ATP8A2: variants seen among roughly 807,000 people sequenced by gnomAD.
ATP8A2 encodes the protein ATPase phospholipid transporting 8A2, also known as phospholipid-transporting ATPase IB.
In ATP8A2, 100 loss-of-function variants were observed where a neutral mutation model predicts 165.6. That is an observed-to-expected ratio of 0.60 (90% CI 0.51 to 0.71). The LOEUF is 0.71. ATP8A2 is among the 30% of genes least tolerant of loss of function. The probability of loss-of-function intolerance (pLI) is 0.00; values close to 1 mark genes in which losing one functional copy is unlikely to be tolerated. For synonymous variants in ATP8A2, 543 were observed against 548.8 expected (o/e 0.99, Z 0.15); for missense variants, 1,227 against 1,479.5 (o/e 0.83, Z 2.80).
intron 2 of ATP8A2, among the ~76,000 whole-genome samples, chr13:25,517,480 G>C (rs550038488): frequency 6.6e-6 from 1 of 152,274 alleles, no homozygotes; most frequent in East Asian, 1.9e-4. Flanking sequence ...ATAATGCATT[G>C]AGTAATAGAA....
intron 27 of ATP8A2, among the ~76,000 whole-genome samples, chr13:25,818,575 A>G (rs1293151376): frequency 6.6e-6 from 1 of 152,194 alleles, no homozygotes; most frequent in African/African-American, 2.4e-5. Flanking sequence ...GATTGTTAAG[A>G]TATTTAAATT....
intron 33 of ATP8A2, among the ~76,000 whole-genome samples, chr13:25,944,160 G>C (rs1343801132): frequency 6.6e-6 from 1 of 152,210 alleles, no homozygotes; most frequent in African/African-American, 2.4e-5. Flanking sequence ...TCATGATATA[G>C]AAAATATTAG....
chr13:25,965,770 C>A (rs919574834), intron 34 of ATP8A2, among the ~76,000 whole-genome samples: 1 of 152,116 alleles, frequency 6.6e-6, no homozygotes, highest in Admixed American at 6.5e-5. Flanking sequence ...CTGTATTTTA[C>A]TGTACATCAA....
At chr13:25,651,291 A>G (rs2041805788) in intron 24 of ATP8A2, among the ~76,000 whole-genome samples, 2 of 152,100 alleles carry the variant, frequency 1.3e-5, no homozygotes, top group African/African-American at 4.8e-5. Flanking sequence ...AAAAATACAA[A>G]AATTAGCTGG....
At chr13:25,838,057 T>C (rs1247435835) in intron 29 of ATP8A2, among the ~76,000 whole-genome samples, 2 of 152,174 alleles carry the variant, frequency 1.3e-5, no homozygotes, top group African/African-American at 4.8e-5. Context: ...TGCACGGCCT[T>C]GTTTCTGCCT....
intron 24 of ATP8A2, among the ~76,000 whole-genome samples, chr13:25,667,318 G>T (rs905577087): frequency 6.6e-6 from 1 of 152,124 alleles, no homozygotes; most frequent in Admixed American, 6.6e-5. Context: ...GTATTGGGAA[G>T]TGGAGCCTAC....
At chr13:25,407,448 T>C (rs1402175655) in intron 1 of ATP8A2, among the ~76,000 whole-genome samples, 1 of 152,178 alleles carries the variant, frequency 6.6e-6, no homozygotes, top group Non-Finnish European at 1.5e-5. Context: ...AAGTGCAATT[T>C]GCATCAGGTA....
intron 1 of ATP8A2, among the ~76,000 whole-genome samples, chr13:25,399,754 T>TCCTCCTC (rs1566105181): frequency 6.7e-6 from 1 of 148,526 alleles, no homozygotes; most frequent in African/African-American, 2.5e-5. Flanking sequence ...TCTTCCTCCT[T>TCCTCCTC]CTCCTCTTCC....
intron 1 of ATP8A2, among the ~76,000 whole-genome samples, chr13:25,442,872 G>A (rs2034969939): frequency 6.6e-6 from 1 of 152,116 alleles, no homozygotes. Context: ...CAAGTACTGT[G>A]ACAGAGCAAG....
At chr13:25,897,322 G>T (rs568726192) in intron 33 of ATP8A2, among the ~76,000 whole-genome samples, 36 of 152,216 alleles carry the variant, frequency 2.4e-4, no homozygotes, top group African/African-American at 8.4e-4. Flanking sequence ...GAAATTCTGG[G>T]TTGAAAATTC....
chr13:25,951,219 C>CA (rs1955348861), intron 33 of ATP8A2, among the ~76,000 whole-genome samples: 1 of 152,164 alleles, frequency 6.6e-6, no homozygotes, highest in African/African-American at 2.4e-5. Context: ...ATAATAGGCC[C>CA]AAACTGGAAA....
chr13:25,533,131 G>A, intron 5 of ATP8A2, 142 bp from the exon 6 acceptor site: 1 of 634,172 alleles, frequency 1.6e-6, no homozygotes, highest in Non-Finnish European at 2.8e-6. Flanking sequence ...GAGGGTGGGG[G>A]TGCTGATGTT....
At chr13:25,908,015 A>G (rs1242566007) in intron 33 of ATP8A2, among the ~76,000 whole-genome samples, 1 of 152,094 alleles carries the variant, frequency 6.6e-6, no homozygotes, top group Non-Finnish European at 1.5e-5. Context: ...TATTTTAGAT[A>G]TTTTTTTCAG....
At chr13:25,823,704 A>G (rs932864368) in intron 27 of ATP8A2, among the ~76,000 whole-genome samples, 2 of 152,142 alleles carry the variant, frequency 1.3e-5, no homozygotes, top group African/African-American at 4.8e-5. Context: ...ATTAATTTCT[A>G]TAGCAGGACA....
chr13:25,926,001 C>T (rs537584455), intron 33 of ATP8A2, among the ~76,000 whole-genome samples: 64 of 152,290 alleles, frequency 4.2e-4, no homozygotes, highest in African/African-American at 1.4e-3. Flanking sequence ...GCCAGGATTA[C>T]AGGCATGAGC....
intron 34 of ATP8A2, among the ~76,000 whole-genome samples, chr13:25,962,057 TACAG>T (rs1372747177): frequency 6.6e-6 from 1 of 151,764 alleles, no homozygotes; most frequent in Non-Finnish European, 1.5e-5. Context: ...AAAGAAAAAA[TACAG>T]ACACAAAGGA....
chr13:25,397,494 C>T (rs1239151151), intron 1 of ATP8A2, among the ~76,000 whole-genome samples: 1 of 152,132 alleles, frequency 6.6e-6, no homozygotes, highest in Non-Finnish European at 1.5e-5. Flanking sequence ...CCCACCTTGA[C>T]TCAGTGCACA....
At chr13:25,833,442 AT>A (rs1431131542) in intron 28 of ATP8A2, among the ~76,000 whole-genome samples, 4 of 152,174 alleles carry the variant, frequency 2.6e-5, no homozygotes, top group African/African-American at 9.6e-5. Context: ...AAGTAGACTT[AT>A]TTTTACTAAA....
chr13:26,016,260 G>A (rs1956971052), intron 36 of ATP8A2, among the ~76,000 whole-genome samples: 1 of 152,186 alleles, frequency 6.6e-6, no homozygotes, highest in African/African-American at 2.4e-5. Flanking sequence ...GAACTAGGGA[G>A]GATGGTGGGA....
Sources: gnomAD v4.1 joint callset for allele counts (sites outside exome capture counted in the v4.1 genomes callset) on GRCh38, gnomAD v4.1.1 for gene constraint, MANE v1.5 for transcripts, NCBI Gene and HGNC (gene_info 2026-07-23, HGNC 2026-07-21) for gene names.